The following UBASH3B variants were observed in gnomAD, a reference collection of about 807,000 sequenced individuals.
The protein encoded by UBASH3B is ubiquitin associated and SH3 domain containing B.
UBASH3B carries 37 observed loss-of-function variants against 83.4 expected under a neutral mutation model. That is an observed-to-expected ratio of 0.44 (90% CI 0.34 to 0.58). The LOEUF is 0.58. Ranked by LOEUF, UBASH3B falls within the 20% of genes least tolerant of loss-of-function variation. The probability of loss-of-function intolerance (pLI) is 0.01; values close to 1 mark genes in which losing one functional copy is unlikely to be tolerated. For synonymous variants in UBASH3B, 304 were observed against 318.3 expected (o/e 0.96, Z 0.48); for missense variants, 657 against 827.2 (o/e 0.79, Z 2.52).
chr11:122,796,790 A>G, intron 8 of UBASH3B, 121 bp from the exon 9 acceptor site: 1 of 1,330,400 alleles, frequency 7.5e-7, no homozygotes, highest in Non-Finnish European at 1.1e-6. Context: ...TCAGCTCCAG[A>G]GAGCTCAGTG....
In UBASH3B at chr11:122,724,205, C is replaced by T. The variant is rs138572930; in HGVS notation, c.162-52014C>T. On this transcript the variant is annotated intron_variant, in intron 1 of 13. Coordinates refer to ENST00000284273, the MANE Select transcript of UBASH3B (RefSeq NM_032873.5). ...ATTCCATATCTGGCTTTGCCACTTA[C>T]TAGCTTTGTAATTGTCACTGTGCCT... Among the ~76,000 whole-genome samples the T allele has an allele frequency of 3.7e-3, 557 of 152,372 alleles. 1 individual carries two copies. Among genetic ancestry groups the T allele is most frequent in the African/African-American group, 0.011 (466 of 41,584 alleles).
At chr11:122,794,459 G>C (rs567890525) in intron 6 of UBASH3B, among the ~76,000 whole-genome samples, 1 of 152,066 alleles carries the variant, frequency 6.6e-6, no homozygotes, top group Non-Finnish European at 1.5e-5. Context: ...CGCCTGCCTC[G>C]GCGTCCCAAA....
At position 122,736,854 on chromosome 11, in the gene UBASH3B, A is replaced by T. The variant is rs183367124; in HGVS notation, c.162-39365A>T. On this transcript the variant is annotated intron_variant, in intron 1 of 13. Transcript: ENST00000284273. ...CGCTTGAGCCCAGGAGTTTCAGTCC[A>T]GCTTGGGCAACATAGTGAGACCCTC... Among the ~76,000 whole-genome samples, 540 of 152,272 alleles carry T rather than the reference A, an allele frequency of 3.5e-3. 4 individuals carry two copies. The highest frequency in any genetic ancestry group is 5.7e-3 in the Non-Finnish European group (391 of 68,036).
rs192318152 is a variant in UBASH3B at position 122,785,864 on chromosome 11, C to T, written c.771+2642C>T. Among the ~76,000 whole-genome samples the T allele has an allele frequency of 2.4e-4, 36 of 152,188 alleles. No homozygotes were observed. In the South Asian group the frequency reaches 5.2e-3, roughly 22 times the overall value. On this transcript the variant is annotated intron_variant, in intron 5 of 13. Transcript: ENST00000284273. ...CAGCACAAGGTGGGTGCAACAGCAA[C>T]GAAAAATTGCTGCAGCTATTATTGT...
intron 1 of UBASH3B, among the ~76,000 whole-genome samples, chr11:122,690,261 TATATATATATCTCCAATTATAC>T (rs1252476809): frequency 7.3e-6 from 1 of 137,612 alleles, no homozygotes; most frequent in African/African-American, 2.6e-5. Flanking sequence ...TCCAATTATA[TATATATATATCTCCAATTATAC>T]ATATATATAT....
chr11:122,697,970 A>T (rs909812576), intron 1 of UBASH3B, among the ~76,000 whole-genome samples: 1 of 152,154 alleles, frequency 6.6e-6, no homozygotes, highest in Non-Finnish European at 1.5e-5. Context: ...GGGCGTGGCG[A>T]TGTAAGGAAA....
At position 122,801,399 on chromosome 11, in the gene UBASH3B, A is replaced by G. The variant is rs904844487; in HGVS notation, c.1595+67A>G. ...GTGCTTTCTGCACTAGCACTAGGCC[A>G]GGTTCAGGAAGGAGCCAGGGCTGGA... On this transcript the variant is annotated intron_variant, in intron 11 of 13. Transcript: ENST00000284273. 8.9e-6 allele frequency: 14 copies of G among 1,567,220 alleles called. No homozygotes were observed. In the African/African-American group the frequency reaches 1.4e-4, roughly 15 times the overall value.
chr11:122,767,869 C>G (rs1389413051), intron 1 of UBASH3B, among the ~76,000 whole-genome samples: 1 of 152,184 alleles, frequency 6.6e-6, no homozygotes. Context: ...AGCTGAGTTA[C>G]AAACCTGGGG....
intron 1 of UBASH3B, among the ~76,000 whole-genome samples, chr11:122,735,955 T>G (rs1431029734): frequency 6.6e-6 from 1 of 152,134 alleles, no homozygotes; most frequent in Non-Finnish European, 1.5e-5. Context: ...GCAGAGGTAA[T>G]ATGGTTACAT....
chr11:122,785,333 C>T (rs897427389), intron 5 of UBASH3B, among the ~76,000 whole-genome samples: 16 of 152,220 alleles, frequency 1.1e-4, no homozygotes, highest in African/African-American at 3.9e-4. Context: ...GCCGTCTGCA[C>T]ACGTAACCCT....
chr11:122,791,926 G>T (rs1245321438), intron 6 of UBASH3B, among the ~76,000 whole-genome samples: 1 of 152,188 alleles, frequency 6.6e-6, no homozygotes, highest in Non-Finnish European at 1.5e-5. Context: ...CTGCCTGGCC[G>T]CTTGGGCTTA....
intron 1 of UBASH3B, among the ~76,000 whole-genome samples, chr11:122,748,625 T>C (rs1861156302): frequency 6.6e-6 from 1 of 152,214 alleles, no homozygotes; most frequent in African/African-American, 2.4e-5. Context: ...CCTTGATTCT[T>C]TGAATACCTC....
At chr11:122,714,691 C>G (rs1020447929) in intron 1 of UBASH3B, among the ~76,000 whole-genome samples, 1 of 152,128 alleles carries the variant, frequency 6.6e-6, no homozygotes, top group African/African-American at 2.4e-5. Context: ...GAGAATTAAG[C>G]CTGAAATGTG....
Position 122,789,167 on chromosome 11 carries a change from T to G in UBASH3B, c.839T>G (p.Phe280Cys), listed in dbSNP as rs1861008005. 4 of 1,613,996 alleles carry G rather than the reference T, an allele frequency of 2.5e-6. No homozygotes were observed. The highest frequency in any genetic ancestry group is 3.4e-6 in the Non-Finnish European group (4 of 1,180,028). Residue 280 changes from phenylalanine to cysteine, a missense_variant, in exon 6 of 14, where the codon TTC (phenylalanine) becomes TGC (cysteine). By Grantham distance (205) the Phe-to-Cys change is radical. Coordinates refer to ENST00000284273, the MANE Select transcript of UBASH3B (RefSeq NM_032873.5). The stretch of plus-strand genomic sequence containing the variant: ...GAGCTGGAGCTGGTCCCCGGGGACT[T>G]CATCTTCATGTCTCCAATGGAGCAG... Reference protein sequence around the residue: ...DDELELVPGDFIFMSPMEQTS... With the variant: ...DDELELVPGDCIFMSPMEQTS...
rs114227534 is a variant in UBASH3B at position 122,769,731 on chromosome 11, T to C, written c.162-6488T>C. ...CCCAAAAGAATACCTCCATCTTCCGTTGTGGCAACAATGACCACTGTGTGG... is the reference window on the plus strand; with the variant it reads ...CCCAAAAGAATACCTCCATCTTCCGCTGTGGCAACAATGACCACTGTGTGG... On this transcript the variant is annotated intron_variant, in intron 1 of 13. Transcript: ENST00000284273. Among the ~76,000 whole-genome samples, 696 of 152,350 alleles carry C rather than the reference T, an allele frequency of 4.6e-3. 5 individuals are homozygous for C. Among genetic ancestry groups the C allele is most frequent in the African/African-American group, 0.016 (646 of 41,576 alleles).
intron 1 of UBASH3B, among the ~76,000 whole-genome samples, chr11:122,741,211 A>C (rs1861018911): frequency 6.6e-6 from 1 of 152,232 alleles, no homozygotes; most frequent in South Asian, 2.1e-4. Flanking sequence ...AGATCTTCAC[A>C]GAATAAAATA....
At chr11:122,683,792 T>G (rs4935800) in intron 1 of UBASH3B, among the ~76,000 whole-genome samples, 103,658 of 150,410 alleles carry the variant, frequency 0.69, 39,077 homozygotes, top group Admixed American at 0.83. Flanking sequence ...AGGTTTCAAA[T>G]AAGATCTATA....
chr11:122,766,224 AT>A (rs1860534539), intron 1 of UBASH3B, among the ~76,000 whole-genome samples: 1 of 152,180 alleles, frequency 6.6e-6, no homozygotes, highest in African/African-American at 2.4e-5. Flanking sequence ...ATAGTTGCCA[AT>A]TAGGAGAAGC....
chr11:122,674,178 A>G (rs966828998), intron 1 of UBASH3B, among the ~76,000 whole-genome samples: 1 of 152,260 alleles, frequency 6.6e-6, no homozygotes, highest in African/African-American at 2.4e-5. Flanking sequence ...AAGTGCCCAC[A>G]AACACAGAGA....
Sources: gnomAD v4.1 joint callset for allele counts (sites outside exome capture counted in the v4.1 genomes callset) on GRCh38, gnomAD v4.1.1 for gene constraint, MANE v1.5 for transcripts, NCBI Gene and HGNC (gene_info 2026-07-23, HGNC 2026-07-21) for gene names.